AKR1C8: variants seen among roughly 807,000 people sequenced by gnomAD.
AKR1C8 encodes aldo-keto reductase family 1 member C-like protein 1.
At chr10:5,140,589 C>T in the AKR1C8 span, among the ~76,000 whole-genome samples, 1 of 148,264 alleles carries the variant, frequency 6.7e-6, no homozygotes, top group Non-Finnish European at 1.5e-5. Context: ...TAGGTGGGAA[C>T]TGAACAATGA....
the AKR1C8 span, among the ~76,000 whole-genome samples, chr10:5,168,863 A>G: frequency 6.6e-6 from 1 of 152,162 alleles, no homozygotes; most frequent in Non-Finnish European, 1.5e-5. Flanking sequence ...TGATGTACAT[A>G]TTAAAAGACT....
chr10:5,142,235 T>C, the AKR1C8 span, among the ~76,000 whole-genome samples: 1 of 152,188 alleles, frequency 6.6e-6, no homozygotes, highest in Non-Finnish European at 1.5e-5. Context: ...GTTAAGGTCT[T>C]CTTCTGGATT....
At chr10:5,120,409 CA>C in the AKR1C8 span, among the ~76,000 whole-genome samples, 1 of 152,042 alleles carries the variant, frequency 6.6e-6, no homozygotes, top group African/African-American at 2.4e-5. Flanking sequence ...CTGGTCTCAG[CA>C]AAAAGTGATT....
At chr10:5,125,216 T>C in the AKR1C8 span, among the ~76,000 whole-genome samples, 1 of 152,166 alleles carries the variant, frequency 6.6e-6, no homozygotes, top group African/African-American at 2.4e-5. Flanking sequence ...ATCTGCTGTT[T>C]ATGGTTAAAA....
chr10:5,119,771 T>C, the AKR1C8 span, among the ~76,000 whole-genome samples: 2 of 152,174 alleles, frequency 1.3e-5, no homozygotes, highest in African/African-American at 2.4e-5. Flanking sequence ...TCAATATTCT[T>C]CAGATAATGG....
the AKR1C8 span, among the ~76,000 whole-genome samples, chr10:5,149,078 T>A: frequency 6.6e-6 from 1 of 152,082 alleles, no homozygotes; most frequent in Non-Finnish European, 1.5e-5. Flanking sequence ...TTATATATAT[T>A]TAAATGTTTG....
the AKR1C8 span, among the ~76,000 whole-genome samples, chr10:5,176,435 G>C: frequency 2.7e-5 from 4 of 148,420 alleles, no homozygotes; most frequent in African/African-American, 9.9e-5. Context: ...TTCTTCTTTT[G>C]GCTTAGGATT....
chr10:5,162,958 A>T, the AKR1C8 span: 1 of 534,732 alleles, frequency 1.9e-6, no homozygotes, highest in Non-Finnish European at 3.8e-6. Flanking sequence ...ATGCTGAATC[A>T]ATATGGCGGA....
At chr10:5,136,730 C>T in the AKR1C8 span, among the ~76,000 whole-genome samples, 1 of 152,076 alleles carries the variant, frequency 6.6e-6, no homozygotes, top group South Asian at 2.1e-4. Context: ...CAGGATGCAA[C>T]TATATGTTCT....
chr10:5,146,342 TATAATA>T, the AKR1C8 span, among the ~76,000 whole-genome samples: 1 of 151,900 alleles, frequency 6.6e-6, no homozygotes, highest in African/African-American at 2.4e-5. Flanking sequence ...AAACTTAAAG[TATAATA>T]ATAAAAGAAG....
At chr10:5,171,832 A>C in the AKR1C8 span, among the ~76,000 whole-genome samples, 79,866 of 151,852 alleles carry the variant, frequency 0.53, 22,009 homozygotes, top group Non-Finnish European at 0.6. Context: ...CTTTTAAAAC[A>C]ATTCTTCAAC....
the AKR1C8 span, among the ~76,000 whole-genome samples, chr10:5,128,906 G>A: frequency 0.39 from 59,576 of 151,756 alleles, 12,486 homozygotes; most frequent in Non-Finnish European, 0.43. Flanking sequence ...GGAAACAATG[G>A]ATTTAACATA....
At chr10:5,166,330 G>C in the AKR1C8 span, among the ~76,000 whole-genome samples, 1 of 152,160 alleles carries the variant, frequency 6.6e-6, no homozygotes, top group Non-Finnish European at 1.5e-5. Flanking sequence ...GCATTGCCAA[G>C]TCAATCCTAA....
the AKR1C8 span, among the ~76,000 whole-genome samples, chr10:5,117,984 T>C: frequency 7.2e-5 from 11 of 152,162 alleles, no homozygotes; most frequent in Admixed American, 4.6e-4. Flanking sequence ...ATTCTGCCCC[T>C]GATCCATAAC....
At chr10:5,139,622 C>T in the AKR1C8 span, among the ~76,000 whole-genome samples, 6 of 151,958 alleles carry the variant, frequency 3.9e-5, no homozygotes, top group South Asian at 1.2e-3. Flanking sequence ...AATTGGATCC[C>T]TTCCTTATAT....
At chr10:5,138,236 A>C in the AKR1C8 span, among the ~76,000 whole-genome samples, 1 of 152,036 alleles carries the variant, frequency 6.6e-6, no homozygotes, top group Non-Finnish European at 1.5e-5. Flanking sequence ...CCTTATCTCA[A>C]CCACATAAGA....
chr10:5,147,757 T>A, the AKR1C8 span, among the ~76,000 whole-genome samples: 1 of 152,166 alleles, frequency 6.6e-6, no homozygotes, highest in South Asian at 2.1e-4. Flanking sequence ...CTCTTACAGG[T>A]TGGAGTTCTA....
At chr10:5,136,368 C>T in the AKR1C8 span, among the ~76,000 whole-genome samples, 14 of 152,170 alleles carry the variant, frequency 9.2e-5, no homozygotes, top group South Asian at 1.0e-3. Context: ...GCGAATATGA[C>T]GAAACCTCGT....
chr10:5,161,916 C>T, the AKR1C8 span: 8 of 534,468 alleles, frequency 1.5e-5, no homozygotes, highest in Non-Finnish European at 3.8e-6. Flanking sequence ...CAAGTTTCTT[C>T]AGTGACCTTT....
Sources: gnomAD v4.1 joint callset for allele counts (sites outside exome capture counted in the v4.1 genomes callset) on GRCh38, gnomAD v4.1.1 for gene constraint, MANE v1.5 for transcripts, NCBI Gene and HGNC (gene_info 2026-07-23, HGNC 2026-07-21) for gene names.